PDZRN4: variants seen among roughly 807,000 people sequenced by gnomAD.
PDZRN4 encodes PDZ domain-containing RING finger protein 4.
In PDZRN4, 70 loss-of-function variants were observed where a neutral mutation model predicts 99.0. The ratio of observed to expected loss-of-function variants is 0.71; its 90% confidence interval spans 0.58 to 0.86. PDZRN4 has a LOEUF of 0.86. Ranked by LOEUF, PDZRN4 falls within the 40% of genes least tolerant of loss-of-function variation. The probability of loss-of-function intolerance (pLI) is 0.00; values close to 1 mark genes in which losing one functional copy is unlikely to be tolerated. For synonymous variants in PDZRN4, 551 were observed against 501.6 expected (o/e 1.10, Z -1.32); for missense variants, 1,474 against 1,331.2 (o/e 1.11, Z -1.67).
intron 3 of PDZRN4, among the ~76,000 whole-genome samples, chr12:41,400,666 A>T (rs573086472): frequency 3.5e-4 from 53 of 152,264 alleles, no homozygotes; most frequent in Admixed American, 2.7e-3. Flanking sequence ...ACTCCATAAA[A>T]CTGCCCTAGT....
chr12:41,570,873 A>T (rs1939459456), intron 9 of PDZRN4, among the ~76,000 whole-genome samples: 2 of 152,188 alleles, frequency 1.3e-5, no homozygotes, highest in African/African-American at 4.8e-5. Context: ...CAACAAATGA[A>T]GGAACATGTT....
intron 3 of PDZRN4, among the ~76,000 whole-genome samples, chr12:41,214,719 G>T (rs1240429258): frequency 6.6e-6 from 1 of 151,740 alleles, no homozygotes; most frequent in Non-Finnish European, 1.5e-5. Flanking sequence ...GTCTTACTGT[G>T]GAGATTAGGG....
At chr12:41,247,470 T>C (rs938574406) in intron 3 of PDZRN4, among the ~76,000 whole-genome samples, 9 of 152,176 alleles carry the variant, frequency 5.9e-5, no homozygotes, top group East Asian at 1.9e-4. Context: ...TATAAGTTGA[T>C]TGATTGTTGA....
At chr12:41,362,180 G>A (rs1475687185) in intron 3 of PDZRN4, among the ~76,000 whole-genome samples, 10 of 151,870 alleles carry the variant, frequency 6.6e-5, no homozygotes, top group East Asian at 5.8e-4. Flanking sequence ...TCGCACCATC[G>A]TCCTAAATTA....
chr12:41,476,725 G>A lies in PDZRN4; in HGVS notation c.844-29731G>A, dbSNP rs1484841032. 2.0e-5 allele frequency among the ~76,000 whole-genome samples: 3 copies of A among 152,194 alleles called. No individual in the cohort carries two copies. The East Asian group carries it at 5.8e-4, about 29-fold the overall frequency. The stretch of plus-strand genomic sequence containing the variant: ...TCTGATAGTGAAAGGAAATTGACAA[G>A]CCTGAGCACCTAACGTCCTCAAACC... On this transcript the variant is annotated intron_variant, in intron 3 of 9. Transcript: ENST00000402685.
At chr12:41,385,342 C>T (rs1358972263) in intron 3 of PDZRN4, among the ~76,000 whole-genome samples, 3 of 152,064 alleles carry the variant, frequency 2.0e-5, no homozygotes, top group Non-Finnish European at 4.4e-5. Flanking sequence ...ACAGAAGGAA[C>T]AGCCAAAGCG....
intron 3 of PDZRN4, among the ~76,000 whole-genome samples, chr12:41,294,490 G>A (rs1281468303): frequency 6.6e-6 from 1 of 152,004 alleles, no homozygotes; most frequent in Non-Finnish European, 1.5e-5. Context: ...AAACTGCGAG[G>A]ACTTTATGAA....
intron 3 of PDZRN4, among the ~76,000 whole-genome samples, chr12:41,198,610 T>G (rs1254976552): frequency 1.5e-4 from 13 of 87,534 alleles, no homozygotes; most frequent in Admixed American, 3.0e-4. Flanking sequence ...GGGACTGTTG[T>G]GGGGTGGGGG....
chr12:41,449,445 C>T (rs1365831041), intron 3 of PDZRN4, among the ~76,000 whole-genome samples: 7 of 152,186 alleles, frequency 4.6e-5, no homozygotes, highest in Non-Finnish European at 2.9e-5. Flanking sequence ...TGACTAAATA[C>T]TAAATGAATC....
chr12:41,439,797 A>G (rs75361135), intron 3 of PDZRN4, among the ~76,000 whole-genome samples: 498 of 152,310 alleles, frequency 3.3e-3, no homozygotes, highest in Non-Finnish European at 5.3e-3. Flanking sequence ...ATGAAGTATT[A>G]GCTTCCATTT....
intron 3 of PDZRN4, among the ~76,000 whole-genome samples, chr12:41,380,562 G>T (rs533758599): frequency 6.6e-6 from 1 of 151,734 alleles, no homozygotes; most frequent in Non-Finnish European, 1.5e-5. Flanking sequence ...TAGTTATAAC[G>T]TCCTACTTAA....
intron 3 of PDZRN4, among the ~76,000 whole-genome samples, chr12:41,260,095 A>G (rs1044458669): frequency 6.6e-6 from 1 of 152,176 alleles, no homozygotes; most frequent in African/African-American, 2.4e-5. Context: ...ATTTTCTATC[A>G]AAAATACTGA....
intron 3 of PDZRN4, chr12:41,473,223 C>T (rs2120575487): frequency 6.6e-6 from 1 of 151,912 alleles, no homozygotes; most frequent in Middle Eastern, 3.4e-3. Context: ...AGCCTGTTAC[C>T]AACATAATAC....
intron 3 of PDZRN4, among the ~76,000 whole-genome samples, chr12:41,212,944 G>A (rs767385126): frequency 6.6e-6 from 1 of 151,902 alleles, no homozygotes; most frequent in African/African-American, 2.4e-5. Context: ...ATGGAAGAAC[G>A]GCTCTCAGCA....
chr12:41,557,482 A>G (rs972174176), intron 7 of PDZRN4, among the ~76,000 whole-genome samples: 32 of 152,144 alleles, frequency 2.1e-4, no homozygotes, highest in African/African-American at 7.0e-4. Context: ...GGAGCACACC[A>G]TCTCTGTTTA....
chr12:41,473,299 A>C (rs1953010563), intron 3 of PDZRN4: 1 of 152,240 alleles, frequency 6.6e-6, no homozygotes. Flanking sequence ...ATTCAAAAAG[A>C]GTAATGCATG....
chr12:41,518,926 T>C (rs1938448152), intron 5 of PDZRN4, among the ~76,000 whole-genome samples: 1 of 151,926 alleles, frequency 6.6e-6, no homozygotes, highest in East Asian at 1.9e-4. Context: ...CCAGCCTGGG[T>C]GACAAAGCAA....
chr12:41,283,041 G>A (rs908195032), intron 3 of PDZRN4, among the ~76,000 whole-genome samples: 8 of 151,838 alleles, frequency 5.3e-5, no homozygotes, highest in Admixed American at 2.0e-4. Context: ...AACCGAAGGA[G>A]ATAGGAGCAG....
intron 3 of PDZRN4, among the ~76,000 whole-genome samples, chr12:41,201,792 A>G (rs1950817778): frequency 6.6e-6 from 1 of 152,148 alleles, no homozygotes; most frequent in Non-Finnish European, 1.5e-5. Context: ...GATCTCGAAA[A>G]TCTAGCCACA....
Sources: gnomAD v4.1 joint callset for allele counts (sites outside exome capture counted in the v4.1 genomes callset) on GRCh38, gnomAD v4.1.1 for gene constraint, MANE v1.5 for transcripts, NCBI Gene and HGNC (gene_info 2026-07-23, HGNC 2026-07-21) for gene names.